The following CHCHD6 variants were observed in gnomAD, a reference collection of about 807,000 sequenced individuals.
The protein encoded by CHCHD6 is coiled-coil-helix-coiled-coil-helix domain containing 6.
In CHCHD6, 28 loss-of-function variants were observed where a neutral mutation model predicts 32.3. That is an observed-to-expected ratio of 0.87 (90% confidence interval 0.64 to 1.19). The LOEUF (loss-of-function observed/expected upper bound fraction) is 1.19. CHCHD6 is among the 50% of genes most tolerant of loss of function. The probability of loss-of-function intolerance (pLI) is 0.00; values close to 1 mark genes in which losing one functional copy is unlikely to be tolerated. For synonymous variants in CHCHD6, 122 were observed against 117.5 expected (o/e 1.04, Z -0.25); for missense variants, 333 against 307.0 (o/e 1.08, Z -0.63).
chr3:126,712,670 T>G (rs751588203), intron 1 of CHCHD6, among the ~76,000 whole-genome samples: 1 of 152,174 alleles, frequency 6.6e-6, no homozygotes, highest in Non-Finnish European at 1.5e-5. Context: ...CTGCCCTTCC[T>G]GTGTCTGGTA....
intron 5 of CHCHD6, among the ~76,000 whole-genome samples, chr3:126,861,495 C>A (rs1161408541): frequency 1.3e-5 from 2 of 151,764 alleles, no homozygotes; most frequent in African/African-American, 4.8e-5. Flanking sequence ...CCATTCCCAC[C>A]CCTGCCCCTG....
At chr3:126,875,300 A>T (rs1267032754) in intron 5 of CHCHD6, among the ~76,000 whole-genome samples, 2 of 152,252 alleles carry the variant, frequency 1.3e-5, no homozygotes. Flanking sequence ...GTGCCTGTCC[A>T]GCAGGGTGCT....
chr3:126,935,047 G>C (rs2107600402), intron 6 of CHCHD6: 1 of 756,112 alleles, frequency 1.3e-6, no homozygotes, highest in South Asian at 6.0e-5. Flanking sequence ...CGTCTAATCA[G>C]AGTTGGGAAT....
intron 5 of CHCHD6, among the ~76,000 whole-genome samples, chr3:126,890,642 C>T (rs540005656): frequency 1.3e-5 from 2 of 152,340 alleles, no homozygotes; most frequent in Admixed American, 6.5e-5. Context: ...ACTTGAACAA[C>T]AGTTCTTTAG....
At chr3:126,716,860 G>A (rs930680654) in intron 1 of CHCHD6, among the ~76,000 whole-genome samples, 16 of 152,272 alleles carry the variant, frequency 1.1e-4, no homozygotes, top group South Asian at 4.1e-4. Context: ...GGGGAAATGC[G>A]TGCAGTCCCC....
chr3:126,725,203 G>T (rs1423130518), intron 1 of CHCHD6, among the ~76,000 whole-genome samples: 3 of 152,164 alleles, frequency 2.0e-5, no homozygotes, highest in Non-Finnish European at 4.4e-5. Context: ...TAAATAATAA[G>T]ACTTGAAAGT....
chr3:126,788,788 A>ATT (rs1017255903), intron 4 of CHCHD6, among the ~76,000 whole-genome samples: 8 of 152,056 alleles, frequency 5.3e-5, no homozygotes, highest in African/African-American at 1.9e-4. Flanking sequence ...GGATTCATTG[A>ATT]TTTTTTGAAG....
intron 4 of CHCHD6, chr3:126,766,519 T>C (rs1257583568): frequency 2.5e-6 from 2 of 799,242 alleles, no homozygotes; most frequent in African/African-American, 3.4e-5. Context: ...CACCAAAGAG[T>C]GTGAGTAGCC....
chr3:126,863,795 C>T (rs1942085371), intron 5 of CHCHD6, among the ~76,000 whole-genome samples: 1 of 147,830 alleles, frequency 6.8e-6, no homozygotes, highest in South Asian at 2.2e-4. Context: ...AGCACCTTCT[C>T]CTCCTCTACC....
intron 5 of CHCHD6, chr3:126,865,803 A>G (rs1251143981): frequency 2.2e-6 from 2 of 911,128 alleles, no homozygotes; most frequent in Non-Finnish European, 2.6e-6. Flanking sequence ...AAATCCTCTC[A>G]TATATCTCAC....
At chr3:126,773,079 A>G (rs1167346492) in intron 4 of CHCHD6, among the ~76,000 whole-genome samples, 1 of 151,670 alleles carries the variant, frequency 6.6e-6, no homozygotes, top group East Asian at 1.9e-4. Flanking sequence ...TCTGGCTTGC[A>G]GGGTTTCTGT....
intron 4 of CHCHD6, among the ~76,000 whole-genome samples, chr3:126,796,219 G>A (rs1001874327): frequency 6.6e-6 from 1 of 152,114 alleles, no homozygotes; most frequent in African/African-American, 2.4e-5. Context: ...GCTTGGTGGT[G>A]TACACCTGTG....
Position 126,742,833 on chromosome 3 carries a change from C to T in CHCHD6, c.411+9611C>T, listed in dbSNP as rs577128663. On this transcript the variant is annotated intron_variant, in intron 4 of 7. Transcript: ENST00000290913. ...ATAAATTCTTTTTCTTTATCAATGA[C>T]CCAGTTTCAGATCCTCTGTTATAAG... 1.6e-4 allele frequency among the ~76,000 whole-genome samples: 24 copies of T among 152,278 alleles called. No homozygotes were observed. The East Asian group carries it at 2.1e-3, about 13-fold the overall frequency.
intron 6 of CHCHD6, among the ~76,000 whole-genome samples, chr3:126,915,347 C>G (rs115851319): frequency 6.6e-6 from 1 of 152,202 alleles, no homozygotes; most frequent in Admixed American, 6.5e-5. Context: ...TCAGCTGGAA[C>G]GTCACAGGAG....
chr3:126,771,707 G>A (rs892267685), intron 4 of CHCHD6, among the ~76,000 whole-genome samples: 5 of 151,970 alleles, frequency 3.3e-5, no homozygotes, highest in African/African-American at 9.7e-5. Flanking sequence ...TTGCTTCTCT[G>A]GTTCTTCTAG....
intron 5 of CHCHD6, among the ~76,000 whole-genome samples, chr3:126,884,986 C>G (rs1464354929): frequency 2.0e-5 from 3 of 152,212 alleles, no homozygotes; most frequent in Non-Finnish European, 4.4e-5. Flanking sequence ...TTCCTCTCCT[C>G]TCCACTGAGG....
At chr3:126,793,117 C>G (rs373406318) in intron 4 of CHCHD6, among the ~76,000 whole-genome samples, 83 of 152,162 alleles carry the variant, frequency 5.5e-4, no homozygotes, top group African/African-American at 2.0e-3. Flanking sequence ...ATTCTACCTA[C>G]ATAAATTTGC....
chr3:126,889,307 G>A (rs1444809359), intron 5 of CHCHD6, among the ~76,000 whole-genome samples: 4 of 152,290 alleles, frequency 2.6e-5, no homozygotes, highest in South Asian at 4.1e-4. Flanking sequence ...GATGACTGAT[G>A]TGTCACTGAG....
chr3:126,800,959 C>G (rs1184314892), intron 4 of CHCHD6, among the ~76,000 whole-genome samples: 1 of 152,208 alleles, frequency 6.6e-6, no homozygotes, highest in Non-Finnish European at 1.5e-5. Flanking sequence ...ACAGACCTTG[C>G]AATCAGTTTG....
Sources: allele counts gnomAD v4.1 joint callset (sites outside exome capture counted in the v4.1 genomes callset), GRCh38; gene constraint gnomAD v4.1.1; transcripts MANE v1.5; gene names NCBI Gene and HGNC (gene_info 2026-07-23, HGNC 2026-07-21).